Variants in ASCC1 observed in about 807,000 individuals in gnomAD.
ASCC1 encodes ASC-1 complex subunit P50.
ASCC1 carries 35 observed loss-of-function variants against 46.6 expected under a neutral mutation model. That is an observed-to-expected ratio of 0.75 (90% CI 0.57 to 0.99). The LOEUF (loss-of-function observed/expected upper bound fraction) is 0.99. Among genes scored for constraint, ASCC1 ranks in the 50% least tolerant of loss-of-function variants. ASCC1 has a pLI of 0.00. For synonymous variants in ASCC1, 143 were observed against 146.6 expected, an observed-to-expected ratio of 0.98 and a Z score of 0.18; for missense variants, 376 against 428.7, an observed-to-expected ratio of 0.88 and a Z score of 1.09.
chr10:72,200,608 A>G (rs995920209), intron 4 of ASCC1, among the ~76,000 whole-genome samples: 2 of 151,808 alleles, frequency 1.3e-5, no homozygotes, highest in Non-Finnish European at 2.9e-5. Flanking sequence ...AGATTACACT[A>G]AGCCAAGATC....
chr10:72,187,837 C>T (rs1853729148), intron 5 of ASCC1, among the ~76,000 whole-genome samples: 1 of 151,168 alleles, frequency 6.6e-6, no homozygotes, highest in South Asian at 2.1e-4. Context: ...TCTGTAGTCC[C>T]AGCTACTCGA....
At chr10:72,188,370 C>T (rs146275057) in intron 5 of ASCC1, among the ~76,000 whole-genome samples, 1,802 of 152,116 alleles carry the variant, frequency 0.012, 14 homozygotes, top group Non-Finnish European at 0.021. Context: ...CCACCCACCT[C>T]GGCCTCCCAA....
In ASCC1 at chr10:72,160,106, G is replaced by A. The variant is rs372576203; in HGVS notation, c.626+1432C>T. On this transcript the variant is annotated intron_variant, in intron 6 of 9. Coordinates refer to ENST00000672957, the MANE Select transcript of ASCC1 (RefSeq NM_001198800.3). ...TTTTTAGTAGAGACAAGGTTTCACC[G>A]TGTTAGCCAGGATGATCTCGATCTC... Among the ~76,000 whole-genome samples the A allele has an allele frequency of 3.3e-5, 5 of 151,916 alleles. No individual in the cohort carries two copies. The East Asian group carries it at 5.8e-4, about 18-fold the overall frequency.
chr10:72,168,824 A>G (rs989304605), intron 5 of ASCC1, among the ~76,000 whole-genome samples: 4 of 152,224 alleles, frequency 2.6e-5, no homozygotes. Flanking sequence ...AGCCAGGAAG[A>G]GGCTATAGCA....
rs745314344 is a variant in ASCC1 at position 72,210,821 on chromosome 10, C to T, written c.123G>A (p.Glu41=). Residue 41 remains glutamate, a synonymous_variant, in exon 3 of 10, where the codon GAG becomes GAA. Coordinates refer to ENST00000672957, the MANE Select transcript of ASCC1 (RefSeq NM_001198800.3). ...DEEDFYQGSM[E]CADEPCDAYE... ...AGGCATCACAGGGCTCATCAGCACA[C>T]TCCATGGAGCCTGCACAGAAACCAT... 20 of 1,613,964 alleles carry T rather than the reference C, an allele frequency of 1.2e-5. No individual in the cohort carries two copies. Among genetic ancestry groups the T allele is most frequent in the Non-Finnish European group, 1.4e-5 (17 of 1,179,956 alleles).
intron 8 of ASCC1, among the ~76,000 whole-genome samples, chr10:72,130,886 C>A (rs965705479): frequency 2.6e-5 from 4 of 152,136 alleles, no homozygotes; most frequent in Admixed American, 2.6e-4. Flanking sequence ...AGTATGTCTT[C>A]TGAAACAATA....
chr10:72,136,957 A>G (rs1398288224), intron 7 of ASCC1, among the ~76,000 whole-genome samples: 1 of 151,490 alleles, frequency 6.6e-6, no homozygotes. Context: ...AACTCCGGAC[A>G]CACCATCTTT....
chr10:72,204,274 T>G (rs972695547), intron 3 of ASCC1: 1 of 945,428 alleles, frequency 1.1e-6, no homozygotes, highest in South Asian at 1.8e-5. Context: ...TTTTTCAATT[T>G]TTTTCAATAG....
intron 9 of ASCC1, among the ~76,000 whole-genome samples, chr10:72,101,109 T>C (rs770948645): frequency 6.6e-6 from 1 of 152,190 alleles, no homozygotes; most frequent in African/African-American, 2.4e-5. Context: ...CCTGATGTTA[T>C]GCATTTTCAT....
At chr10:72,128,205 T>C (rs1845118419) in intron 8 of ASCC1, 38 bp from the exon 9 acceptor site, 2 of 1,566,684 alleles carry the variant, frequency 1.3e-6, no homozygotes, top group Admixed American at 1.7e-5. Flanking sequence ...AAGCTTAGAT[T>C]GATTGGTTGT....
At chr10:72,157,146 CATA>C (rs1393054035) in intron 6 of ASCC1, among the ~76,000 whole-genome samples, 1 of 152,140 alleles carries the variant, frequency 6.6e-6, no homozygotes, top group Non-Finnish European at 1.5e-5. Flanking sequence ...CAGCCTTGAT[CATA>C]ATAAGTCTTC....
chr10:72,111,668 GTC>G (rs1445598883), intron 9 of ASCC1, among the ~76,000 whole-genome samples: 2 of 151,784 alleles, frequency 1.3e-5, no homozygotes, highest in African/African-American at 4.8e-5. Context: ...TGGAAACGGA[GTC>G]TCTCACTGTA....
At chr10:72,116,327 A>G (rs1194996369) in intron 9 of ASCC1, among the ~76,000 whole-genome samples, 1 of 152,242 alleles carries the variant, frequency 6.6e-6, no homozygotes, top group Non-Finnish European at 1.5e-5. Flanking sequence ...AATTTTGGCC[A>G]TCAGTTTAAA....
intron 9 of ASCC1, among the ~76,000 whole-genome samples, chr10:72,110,928 CTAAGT>C (rs1273848061): frequency 2.6e-5 from 4 of 151,846 alleles, no homozygotes; most frequent in Non-Finnish European, 4.4e-5. Context: ...ATGTTATCAA[CTAAGT>C]TATTTTCAAC....
At chr10:72,144,284 C>CT (rs1308037076) in intron 7 of ASCC1, among the ~76,000 whole-genome samples, 1 of 152,134 alleles carries the variant, frequency 6.6e-6, no homozygotes, top group Non-Finnish European at 1.5e-5. Flanking sequence ...TGCATTTTTT[C>CT]TTTAAGTTTA....
At chr10:72,195,139 GTTTTTT>G (rs142672810) in intron 5 of ASCC1, among the ~76,000 whole-genome samples, 6 of 61,034 alleles carry the variant, frequency 9.8e-5, no homozygotes, top group African/African-American at 3.3e-4. Flanking sequence ...TTTTTGCTGT[GTTTTTT>G]TTTTTTTTTT....
intron 3 of ASCC1, among the ~76,000 whole-genome samples, chr10:72,205,647 A>C (rs1857102553): frequency 7.1e-6 from 1 of 140,930 alleles, no homozygotes; most frequent in Admixed American, 6.8e-5. Context: ...AAAAAAAAAA[A>C]ATAGCAGGGT....
intron 9 of ASCC1, among the ~76,000 whole-genome samples, chr10:72,101,436 C>T (rs763319885): frequency 8.5e-5 from 13 of 152,080 alleles, no homozygotes; most frequent in Non-Finnish European, 1.5e-4. Context: ...CTGGAGGAGA[C>T]GAGACCTGAG....
intron 9 of ASCC1, among the ~76,000 whole-genome samples, chr10:72,100,112 G>C (rs1841567543): frequency 6.6e-6 from 1 of 152,044 alleles, no homozygotes; most frequent in Non-Finnish European, 1.5e-5. Flanking sequence ...CCTAGTGCCA[G>C]TGCCAATCTT....
Sources: gnomAD v4.1 joint callset for allele counts (sites outside exome capture counted in the v4.1 genomes callset) on GRCh38, gnomAD v4.1.1 for gene constraint, MANE v1.5 for transcripts, NCBI Gene and HGNC (gene_info 2026-07-23, HGNC 2026-07-21) for gene names.